Variants in BCL9L observed in about 807,000 individuals in gnomAD.
The protein encoded by BCL9L is BCL9 like.
Under a neutral mutation model 99.4 loss-of-function variants are expected in BCL9L, and 19 were observed. That is an observed-to-expected ratio of 0.19 (90% confidence interval 0.13 to 0.28). The LOEUF (loss-of-function observed/expected upper bound fraction) is 0.28, where lower values mean the gene tolerates loss of function less well. BCL9L is among the 10% of genes least tolerant of loss of function. The probability of loss-of-function intolerance (pLI) is 1.00; values close to 1 mark genes in which losing one functional copy is unlikely to be tolerated. For synonymous variants in BCL9L, 900 were observed against 854.8 expected (o/e 1.05, Z -0.92); for missense variants, 2,023 against 2,101.6 (o/e 0.96, Z 0.73).
intron 3 of BCL9L, among the ~76,000 whole-genome samples, chr11:118,909,391 T>G (rs1409286418): frequency 6.6e-6 from 1 of 152,156 alleles, no homozygotes; most frequent in Non-Finnish European, 1.5e-5. Flanking sequence ...GACCTATTAA[T>G]AGCCGCTGGA....
Position 118,901,664 on chromosome 11 carries a change from G to T in BCL9L, c.2079C>A (p.Arg693=), listed in dbSNP as rs1248800614. 1.2e-6 allele frequency: 2 copies of T among 1,613,644 alleles called. No individual in the cohort carries two copies. Among genetic ancestry groups the T allele is most frequent in the African/African-American group, 2.7e-5 (2 of 74,940 alleles). ...TGCCACTGCCTGCCATGCCCAGGGG[G>T]CGCTGCATGCCCATCGACCGCTTCT... ...LLEKRSMGMQ[R]PLGMAGSGMG... Residue 693 remains arginine (R), a synonymous_variant, in exon 8 of 10, where the codon CGC becomes CGA. Transcript: ENST00000683865. This position sits in a 1 kb window ranked among gnomAD's most constrained non-coding sequence, Gnocchi z 6.6.
Position 118,903,210 on chromosome 11 carries a change from A to G in BCL9L, c.749+26T>C, listed in dbSNP as rs868281773. On this transcript the variant is annotated intron_variant, in intron 6 of 9. Transcript: ENST00000683865. The surrounding 1 kb of genome is among the most constrained non-coding windows in gnomAD (Gnocchi z 5.6). ...AGGTGCTGGGCAGAGAGAGAGAGAGACTTGGCCTGCCCACCAGGCACTTAC... is the reference window on the plus strand; with the variant it reads ...AGGTGCTGGGCAGAGAGAGAGAGAGGCTTGGCCTGCCCACCAGGCACTTAC... 4 of 1,563,960 alleles carry G rather than the reference A, an allele frequency of 2.6e-6. No homozygotes were observed. The African/African-American group carries it at 4.0e-5, about 16-fold the overall frequency.
rs1297222906 is a variant in BCL9L at position 118,896,390 on chromosome 11, AG to A, written c.*2024del. The A allele has an allele frequency of 6.6e-6, 1 of 152,268 alleles. No individual in the cohort carries two copies. Among genetic ancestry groups the A allele is most frequent in the African/African-American group, 2.4e-5 (1 of 41,410 alleles). The allele number at this position is 152,268 out of a possible 1,614,324, so 9.4% of individuals were successfully genotyped here. ...GCGTGGGTGGGAGGAGAGGGGACGG[AG>A]AGGGCACTCGGCCCGCTGCAATCTG... On this transcript the variant is annotated 3_prime_UTR_variant, in exon 10 of 10. Transcript: ENST00000683865.
In BCL9L at chr11:118,899,011, C is replaced by A; in HGVS notation, c.3904G>T (p.Ala1302Ser). 1.9e-6 allele frequency: 3 copies of A among 1,613,818 alleles called. No individual in the cohort carries two copies. The highest frequency in any genetic ancestry group is 1.3e-5 in the African/African-American group (1 of 75,024). ...AYPPGVLPGVASVLNDPELSE... is the reference protein window; with the variant it reads ...AYPPGVLPGVSSVLNDPELSE... ...AGCTCGGGGTCGTTCAGCACTGATG[C>A]CACCCCAGGGAGCACACCCGGTGGG... The change falls in exon 10 of 10, where the codon GCA becomes TCA. Residue 1302 changes from alanine to serine, a missense_variant. Transcript: ENST00000683865.
At chr11:118,923,606 T>C (rs1941204531) in intron 1 of BCL9L, among the ~76,000 whole-genome samples, 3 of 152,162 alleles carry the variant, frequency 2.0e-5, no homozygotes, top group Admixed American at 2.0e-4. Context: ...TCACCAGTCA[T>C]GGGACCCCTT....
chr11:118,912,565 G>C (rs919713608), intron 2 of BCL9L, among the ~76,000 whole-genome samples: 1 of 152,162 alleles, frequency 6.6e-6, no homozygotes, highest in African/African-American at 2.4e-5. Context: ...TCCTAGCTGG[G>C]GGAGGGAGCT....
chr11:118,907,410 AG>A lies in BCL9L; in HGVS notation c.532+72del. The stretch of plus-strand genomic sequence containing the variant: ...GACTCCCAGTCCTCACTTCTTTCCC[AG>A]GCTCAGTCCTCTCAAGTCCATCCCC... On this transcript the variant is annotated intron_variant, in intron 5 of 9. Transcript: ENST00000683865. 4 of 1,608,210 alleles carry A rather than the reference AG, an allele frequency of 2.5e-6. No homozygotes were observed. The South Asian group carries it at 4.4e-5, about 18-fold the overall frequency.
At chr11:118,899,606 G>A (rs2137680914) in intron 9 of BCL9L, 98 bp from the exon 10 acceptor site, 2 of 1,466,292 alleles carry the variant, frequency 1.4e-6, no homozygotes, top group Admixed American at 4.1e-5. Context: ...GGGGGTGCCA[G>A]AGGTCAAAGT....
chr11:118,902,742 A>G lies in BCL9L; in HGVS notation c.1001T>C (p.Leu334Pro). ...GGCAGCTCCCACCGAGTTGGGGGCC[A>G]GGTCCTGACTGCTGTCCTCAGGAGG... The part of the protein sequence containing the change: ...EGPPEDSSQD[L>P]APNSVGAAST... The change falls in exon 8 of 10, where the codon CTG becomes CCG. Residue 334 changes from leucine (L) to proline (P), a missense_variant. Leu to Pro is a moderately conservative substitution (Grantham distance 98). Coordinates refer to ENST00000683865, the MANE Select transcript of BCL9L (RefSeq NM_001378213.1). This position sits in a 1 kb window ranked among gnomAD's most constrained non-coding sequence, Gnocchi z 7.8. The G allele has an allele frequency of 6.3e-7, 1 of 1,595,460 alleles. No homozygotes were observed. Among genetic ancestry groups the G allele is most frequent in the South Asian group, 1.1e-5 (1 of 90,634 alleles).
At chr11:118,918,373 T>TAGCC (rs1941035769) in intron 2 of BCL9L, among the ~76,000 whole-genome samples, 2 of 152,002 alleles carry the variant, frequency 1.3e-5, no homozygotes, top group African/African-American at 4.8e-5. Flanking sequence ...CTGTGGCTGG[T>TAGCC]AGCCACCCTG....
chr11:118,922,857 G>T lies in BCL9L; in HGVS notation c.-131+2381C>A, dbSNP rs570063586. Among the ~76,000 whole-genome samples the T allele has an allele frequency of 6.6e-6, 1 of 152,230 alleles. No homozygotes were observed. The highest frequency in any genetic ancestry group is 1.9e-4 in the East Asian group (1 of 5,172). On this transcript the variant is annotated intron_variant, in intron 1 of 9. Transcript: ENST00000683865. The surrounding 1 kb of genome is among the most constrained non-coding windows in gnomAD (Gnocchi z 6.2). ...AGCCAGCATGGCAGCAGGACCACAA[G>T]AACCCCAAAGGACTTCCCAGGCACC... is the stretch of plus-strand genomic sequence containing the variant.
Position 118,902,590 on chromosome 11 carries a change from C to T in BCL9L, c.1153G>A (p.Ala385Thr), listed in dbSNP as rs372773894. 44 of 1,600,110 alleles carry T rather than the reference C, an allele frequency of 2.7e-5. No individual in the cohort carries two copies. Among genetic ancestry groups the T allele is most frequent in the African/African-American group, 6.7e-5 (5 of 74,914 alleles). The change falls in exon 8 of 10, where the codon GCC becomes ACC. Residue 385 changes from alanine to threonine, a missense_variant. This residue lies in a region of BCL9L where 1,116 missense variants were observed against 1,194.6 expected (regional missense o/e 0.93). Coordinates refer to ENST00000683865, the MANE Select transcript of BCL9L (RefSeq NM_001378213.1). This position sits in a 1 kb window ranked among gnomAD's most constrained non-coding sequence, Gnocchi z 7.8. ...AGGCTGCGCTGCCCATTTCCAGGGGCGGCTGCCTCCCCCAGCAGGGCAGGG... is the reference window on the plus strand; with the variant it reads ...AGGCTGCGCTGCCCATTTCCAGGGGTGGCTGCCTCCCCCAGCAGGGCAGGG... ...PGPALLGEAA[A>T]PGNGQRSLVG...
In BCL9L at chr11:118,901,252, C is replaced by T. The variant is rs1032019058; in HGVS notation, c.2491G>A (p.Gly831Ser). 7.4e-6 allele frequency: 12 copies of T among 1,614,036 alleles called. No homozygotes were observed. The highest frequency in any genetic ancestry group is 4.4e-5 in the South Asian group (4 of 91,080). The change falls in exon 8 of 10, where the codon GGC becomes AGC. Residue 831 changes from glycine to serine, a missense_variant. By Grantham distance (56) the Gly-to-Ser change is moderately conservative. Transcript: ENST00000683865. The surrounding 1 kb of genome is among the most constrained non-coding windows in gnomAD (Gnocchi z 6.6). ...RAQNSSGVMG[G>S]PQKMLMPSQF... ...GAAGGCATCAGCATCTTCTGCGGGC[C>T]GCCCATCACGCCACTGCTGTTCTGG...
Position 118,902,758 on chromosome 11 carries a change from C to A in BCL9L, c.985G>T (p.Asp329Tyr). 6.3e-7 allele frequency: 1 copy of A among 1,588,944 alleles called. No homozygotes were observed. Among genetic ancestry groups the A allele is most frequent in the Non-Finnish European group, 8.5e-7 (1 of 1,174,968 alleles). ...TTGGGGGCCAGGTCCTGACTGCTGTCCTCAGGAGGCCCCTCTGGGGGCAGA... is the reference window on the plus strand; with the variant it reads ...TTGGGGGCCAGGTCCTGACTGCTGTACTCAGGAGGCCCCTCTGGGGGCAGA... ...PALPPEGPPEDSSQDLAPNSV... is the reference protein window; with the variant it reads ...PALPPEGPPEYSSQDLAPNSV... Residue 329 changes from aspartate (D) to tyrosine (Y), a missense_variant, in exon 8 of 10, where the codon GAC becomes TAC. Asp to Tyr is a radical substitution (Grantham distance 160, BLOSUM62 -3). This residue lies in a region of BCL9L where 1,116 missense variants were observed against 1,194.6 expected (regional missense o/e 0.93). Coordinates refer to ENST00000683865, the MANE Select transcript of BCL9L (RefSeq NM_001378213.1). The surrounding 1 kb of genome is among the most constrained non-coding windows in gnomAD (Gnocchi z 7.8).
chr11:118,908,308 C>T lies in BCL9L; in HGVS notation c.374G>A (p.Arg125Gln), dbSNP rs557438958. 5 of 1,577,464 alleles carry T rather than the reference C, an allele frequency of 3.2e-6. No homozygotes were observed. In the African/African-American group the frequency reaches 4.0e-5, roughly 13 times the overall value. ...RSVSVDSGEQ[R>Q]EAGTPSLDSE... ...ATCCAGGGATGGGGTCCCAGCCTCTCGCTGCTCTCCAGAGTCCACAGACAC... is the reference window on the plus strand; with the variant it reads ...ATCCAGGGATGGGGTCCCAGCCTCTTGCTGCTCTCCAGAGTCCACAGACAC... The change falls in exon 4 of 10, where the codon CGA (arginine) becomes CAA (glutamine). Residue 125 changes from arginine (R) to glutamine (Q), a missense_variant. Around this residue, in one of 3 missense-constraint regions of BCL9L, gnomAD observed 1,116 missense variants for 1,194.6 expected, o/e 0.93. Transcript: ENST00000683865.
chr11:118,915,009 G>A (rs553403308), intron 2 of BCL9L, among the ~76,000 whole-genome samples: 1 of 152,242 alleles, frequency 6.6e-6, no homozygotes, highest in South Asian at 2.1e-4. Context: ...GGTGGTGGGC[G>A]CCTGTAATCC....
Position 118,900,669 on chromosome 11 carries a change from T to C in BCL9L, c.3074A>G (p.Gln1025Arg). 1.9e-6 allele frequency: 3 copies of C among 1,613,086 alleles called. No homozygotes were observed. The highest frequency in any genetic ancestry group is 2.5e-6 in the Non-Finnish European group (3 of 1,179,542). The change falls in exon 8 of 10, where the codon CAG becomes CGG. Residue 1025 changes from glutamine (Q) to arginine (R), a missense_variant. Around this residue, in one of 3 missense-constraint regions of BCL9L, gnomAD observed 902 missense variants for 888.2 expected, o/e 1.02. Coordinates refer to ENST00000683865, the MANE Select transcript of BCL9L (RefSeq NM_001378213.1). The surrounding 1 kb of genome is among the most constrained non-coding windows in gnomAD (Gnocchi z 5.3). ...GGAAGAGTTCATGTTGAGAGGCGGC[T>C]GCTTGTTCTGGGAGACCCCCGGGCT... ...MPSPGVSQNK[Q>R]PPLNMNSSTT...
In BCL9L at chr11:118,898,810, G is replaced by C. The variant is rs1201837314; in HGVS notation, c.4105C>G (p.Gln1369Glu). The C allele has an allele frequency of 1.9e-6, 3 of 1,613,904 alleles. No individual in the cohort carries two copies. The highest frequency in any genetic ancestry group is 1.3e-5 in the African/African-American group (1 of 74,922). Reference protein sequence around the residue: ...LMNLQNMMAEQTPSRPPNLPG... With the variant: ...LMNLQNMMAEETPSRPPNLPG... ...AGGTTGGGAGGCCGAGAGGGAGTCT[G>C]CTCCGCCATCATGTTCTGCAGGTTC... Residue 1369 changes from glutamine (Q) to glutamate (E), a missense_variant, in exon 10 of 10, where the codon CAG (glutamine) becomes GAG (glutamate). Gln to Glu is a conservative substitution (Grantham distance 29). Transcript: ENST00000683865.
rs1033165297 is a variant in BCL9L, at chr11:118,922,895, T to C, written c.-131+2343A>G. Among the ~76,000 whole-genome samples the C allele has an allele frequency of 6.6e-6, 1 of 152,022 alleles. No individual in the cohort carries two copies. Among genetic ancestry groups the C allele is most frequent in the Non-Finnish European group, 1.5e-5 (1 of 67,970 alleles). ...CTTCCCAGGCACCTCCTTGTGGGCC[T>C]CTTCTGATTCTGGGAAGACTGGAAA... On this transcript the variant is annotated intron_variant, in intron 1 of 9. Coordinates refer to ENST00000683865, the MANE Select transcript of BCL9L (RefSeq NM_001378213.1). The surrounding 1 kb of genome is among the most constrained non-coding windows in gnomAD (Gnocchi z 6.2).
Sources: allele counts gnomAD v4.1 joint callset (sites outside exome capture counted in the v4.1 genomes callset), GRCh38; gene constraint gnomAD v4.1.1; regional missense constraint gnomAD v4.1.1; non-coding constraint Gnocchi (gnomAD v3.1); transcripts MANE v1.5; gene names NCBI Gene and HGNC (gene_info 2026-07-23, HGNC 2026-07-21).